The following BLTP1 variants were observed in gnomAD, a reference collection of about 807,000 sequenced individuals.
BLTP1 encodes bridge-like lipid transfer protein family member 1, also known as fragile site-associated protein.
chr4:122,254,972 T>TA, the BLTP1 span: 1 of 1,572,104 alleles, frequency 6.4e-7, no homozygotes, highest in East Asian at 2.2e-5. Context: ...CTTTAAATAA[T>TA]ACAAGGTATT....
the BLTP1 span, chr4:122,286,728 A>C: frequency 9.9e-6 from 16 of 1,613,956 alleles, no homozygotes; most frequent in East Asian, 4.5e-5. Context: ...GTATAGATGA[A>C]CTGCCTTCTA....
the BLTP1 span, chr4:122,350,470 T>C: frequency 1.2e-6 from 1 of 838,450 alleles, no homozygotes; most frequent in Non-Finnish European, 1.4e-6. Flanking sequence ...TACAACCATG[T>C]GCTTAGGCAC....
chr4:122,286,468 T>A, the BLTP1 span: 1 of 1,582,396 alleles, frequency 6.3e-7, no homozygotes. Flanking sequence ...TTAGATACCC[T>A]TTTTGGAAAA....
At chr4:122,314,054 G>A in the BLTP1 span, 2 of 966,478 alleles carry the variant, frequency 2.1e-6, no homozygotes, top group Non-Finnish European at 1.2e-6. Flanking sequence ...CTATTGAAAT[G>A]TATAAAAAGA....
At chr4:122,360,405 A>G in the BLTP1 span, among the ~76,000 whole-genome samples, 53 of 152,292 alleles carry the variant, frequency 3.5e-4, no homozygotes, top group African/African-American at 1.2e-3. Context: ...TAACACTAAC[A>G]GCCTTCCTGT....
At chr4:122,234,817 G>A in the BLTP1 span, 1 of 1,613,518 alleles carries the variant, frequency 6.2e-7, no homozygotes, top group Non-Finnish European at 8.5e-7. Flanking sequence ...AATAAGAGGT[G>A]TAGAAACAAA....
the BLTP1 span, among the ~76,000 whole-genome samples, chr4:122,179,104 C>A: frequency 6.6e-6 from 1 of 151,918 alleles, no homozygotes; most frequent in Non-Finnish European, 1.5e-5. Context: ...ATTAGCAAGA[C>A]CATGTCTCTA....
chr4:122,153,048 T>G, the BLTP1 span: 1 of 985,208 alleles, frequency 1.0e-6, no homozygotes, highest in Non-Finnish European at 1.2e-6. Context: ...TATTCTGAAT[T>G]GGTGCTTGCT....
chr4:122,236,371 G>A, the BLTP1 span, among the ~76,000 whole-genome samples: 1 of 152,188 alleles, frequency 6.6e-6, no homozygotes, highest in African/African-American at 2.4e-5. Context: ...TGATAAGATA[G>A]ATTGTAATAA....
At chr4:122,194,178 A>G in the BLTP1 span, among the ~76,000 whole-genome samples, 1 of 152,188 alleles carries the variant, frequency 6.6e-6, no homozygotes. Flanking sequence ...AGTATATTCT[A>G]AGAAGGCTGG....
At chr4:122,258,331 G>A in the BLTP1 span, among the ~76,000 whole-genome samples, 3 of 152,090 alleles carry the variant, frequency 2.0e-5, no homozygotes, top group South Asian at 2.1e-4. Context: ...ATGAGGAATA[G>A]GGTAGATTTT....
the BLTP1 span, chr4:122,179,760 G>C: frequency 1.3e-6 from 1 of 775,028 alleles, no homozygotes; most frequent in Non-Finnish European, 1.6e-6. Context: ...TCAAAGATGA[G>C]CACATACATG....
At chr4:122,154,765 G>C in the BLTP1 span, 3 of 164,490 alleles carry the variant, frequency 1.8e-5, no homozygotes, top group African/African-American at 7.2e-5. Context: ...CCAGCTACTC[G>C]GGAGGCTGAG....
At chr4:122,354,088 A>C in the BLTP1 span, 2 of 1,326,680 alleles carry the variant, frequency 1.5e-6, no homozygotes, top group African/African-American at 2.9e-5. Flanking sequence ...CTGTGTTTAG[A>C]ATTTAAATGG....
At chr4:122,152,882 G>A in the BLTP1 span, 8 of 559,796 alleles carry the variant, frequency 1.4e-5, no homozygotes, top group Admixed American at 1.9e-4. Context: ...TGTGGACTCG[G>A]CAGGAAGGAC....
chr4:122,355,782 CATT>C, the BLTP1 span: 2 of 1,576,748 alleles, frequency 1.3e-6, no homozygotes, highest in African/African-American at 2.7e-5. Flanking sequence ...CTCTCTTTAT[CATT>C]ATGCATGTAG....
At chr4:122,183,076 T>G in the BLTP1 span, 3 of 951,816 alleles carry the variant, frequency 3.2e-6, no homozygotes, top group South Asian at 1.5e-4. Flanking sequence ...TAGCTCACAC[T>G]GGTAATCCCA....
the BLTP1 span, among the ~76,000 whole-genome samples, chr4:122,241,319 G>C: frequency 3.9e-5 from 6 of 152,206 alleles, no homozygotes; most frequent in Non-Finnish European, 1.5e-5. Flanking sequence ...CTCGTAATGA[G>C]GCTGGAGACC....
At chr4:122,315,978 A>G in the BLTP1 span, among the ~76,000 whole-genome samples, 5 of 152,166 alleles carry the variant, frequency 3.3e-5, no homozygotes, top group Admixed American at 3.3e-4. Flanking sequence ...GCTAACAGGT[A>G]TGAGGTTTCT....
Sources: gnomAD v4.1 joint callset for allele counts (sites outside exome capture counted in the v4.1 genomes callset) on GRCh38, gnomAD v4.1.1 for gene constraint, MANE v1.5 for transcripts, NCBI Gene and HGNC (gene_info 2026-07-23, HGNC 2026-07-21) for gene names.